FAM168A: variants seen among roughly 807,000 people sequenced by gnomAD.
FAM168A encodes the protein protein FAM168A.
A neutral mutation model predicts 28.5 loss-of-function variants in FAM168A; 3 were observed. The observed-to-expected ratio is 0.11, with a 90% CI of 0.05 to 0.27. The LOEUF (loss-of-function observed/expected upper bound fraction) is 0.27. FAM168A is among the 10% of genes least tolerant of loss of function. The pLI is 1.00. For missense variants in FAM168A, 222 were observed against 311.5 expected (o/e 0.71, Z 2.16); for synonymous variants, 122 against 124.2 (o/e 0.98, Z 0.12).
intron 1 of FAM168A, among the ~76,000 whole-genome samples, chr11:73,551,041 G>A (rs1200768468): frequency 6.6e-6 from 1 of 151,756 alleles, no homozygotes; most frequent in African/African-American, 2.4e-5. Flanking sequence ...AACCCAGGAG[G>A]TGGAGCTTGC....
chr11:73,586,655 T>A (rs920002225), intron 1 of FAM168A, among the ~76,000 whole-genome samples: 1 of 152,236 alleles, frequency 6.6e-6, no homozygotes, highest in Non-Finnish European at 1.5e-5. Flanking sequence ...TCTTTCTCCA[T>A]TCTCCTCTGT....
Position 73,509,677 on chromosome 11 carries a change from C to T in FAM168A, c.-18-41185G>A, listed in dbSNP as rs1855181017. Among the ~76,000 whole-genome samples the T allele has an allele frequency of 2.0e-5, 3 of 152,110 alleles. No homozygotes were observed. The South Asian group carries it at 6.2e-4, about 32-fold the overall frequency. The stretch of plus-strand genomic sequence containing the variant: ...ATTAATAGAAATAAAAATTAAATCC[C>T]CAAATCTAGAATTCTAGGCTTTTAA... On this transcript the variant is annotated intron_variant, in intron 1 of 7. Transcript: ENST00000356467.
At chr11:73,566,734 A>G (rs781718328) in intron 1 of FAM168A, among the ~76,000 whole-genome samples, 1 of 152,352 alleles carries the variant, frequency 6.6e-6, no homozygotes, top group Admixed American at 6.5e-5. Context: ...GTTTTCTATC[A>G]GGTACAATAT....
At chr11:73,448,945 TTC>T (rs1187780338) in intron 2 of FAM168A, among the ~76,000 whole-genome samples, 1 of 151,978 alleles carries the variant, frequency 6.6e-6, no homozygotes, top group Non-Finnish European at 1.5e-5. Context: ...TTTTGTTTTT[TTC>T]TCTCTCTCTC....
chr11:73,450,127 G>C lies in FAM168A; in HGVS notation c.70+18278C>G, dbSNP rs150036576. Reference sequence around the variant, plus strand: ...GCTGGAAACTGGCTTGCATCCCTGTGTCCAGGGTTTAGGACCACCCAATCT... The same window carrying C: ...GCTGGAAACTGGCTTGCATCCCTGTCTCCAGGGTTTAGGACCACCCAATCT... On this transcript the variant is annotated intron_variant, in intron 2 of 7. Transcript: ENST00000356467. 4.0e-4 allele frequency among the ~76,000 whole-genome samples: 61 copies of C among 152,336 alleles called. 1 individual carries two copies. The highest frequency in any genetic ancestry group is 1.4e-3 in the African/African-American group (60 of 41,576).
chr11:73,528,420 T>C (rs1202011353), intron 1 of FAM168A, among the ~76,000 whole-genome samples: 3 of 152,180 alleles, frequency 2.0e-5, no homozygotes, highest in African/African-American at 4.8e-5. Flanking sequence ...TTAAAGATAA[T>C]AGTATCAATT....
intron 1 of FAM168A, among the ~76,000 whole-genome samples, chr11:73,550,249 C>A (rs1943809630): frequency 6.6e-6 from 1 of 152,230 alleles, no homozygotes; most frequent in African/African-American, 2.4e-5. Flanking sequence ...GAAAGAACTG[C>A]TAGGAACTAT....
intron 4 of FAM168A, among the ~76,000 whole-genome samples, chr11:73,414,323 C>T (rs937003141): frequency 6.6e-6 from 1 of 152,172 alleles, no homozygotes; most frequent in African/African-American, 2.4e-5. Flanking sequence ...GAGCATATGG[C>T]CTTTTTAAAA....
chr11:73,407,681 T>C (rs1010935856), intron 6 of FAM168A, 38 bp from the exon 7 acceptor site: 13 of 1,532,706 alleles, frequency 8.5e-6, no homozygotes, highest in South Asian at 1.1e-5. Context: ...CTGACGAGGC[T>C]GCACCAGACA....
At chr11:73,593,943 A>G (rs1468738835) in intron 1 of FAM168A, among the ~76,000 whole-genome samples, 1 of 152,226 alleles carries the variant, frequency 6.6e-6, no homozygotes, top group Non-Finnish European at 1.5e-5. Flanking sequence ...CTTTCCCATG[A>G]CACTGAAAGC....
intron 1 of FAM168A, among the ~76,000 whole-genome samples, chr11:73,579,809 C>G (rs1944223028): frequency 6.6e-6 from 1 of 152,192 alleles, no homozygotes; most frequent in African/African-American, 2.4e-5. Context: ...TAAGTTGCAT[C>G]ACTTGGATGC....
At chr11:73,504,145 T>C (rs1260332676) in intron 1 of FAM168A, among the ~76,000 whole-genome samples, 1 of 152,000 alleles carries the variant, frequency 6.6e-6, no homozygotes, top group Non-Finnish European at 1.5e-5. Context: ...AAAGCCAAAA[T>C]TGACAAATGG....
chr11:73,592,750 T>C (rs1944397048), intron 1 of FAM168A, among the ~76,000 whole-genome samples: 1 of 151,974 alleles, frequency 6.6e-6, no homozygotes, highest in South Asian at 2.1e-4. Context: ...GCACAAAATA[T>C]TTTCTACAAA....
intron 2 of FAM168A, among the ~76,000 whole-genome samples, chr11:73,455,196 G>T (rs1476836397): frequency 6.6e-6 from 1 of 152,200 alleles, no homozygotes. Context: ...AAAGTGGCCG[G>T]CTGGATCCTG....
At chr11:73,530,759 T>C (rs1301669313) in intron 1 of FAM168A, among the ~76,000 whole-genome samples, 1 of 152,196 alleles carries the variant, frequency 6.6e-6, no homozygotes, top group Non-Finnish European at 1.5e-5. Flanking sequence ...ATTGATGGCA[T>C]TTCTGTCTCC....
chr11:73,524,580 A>G (rs987331614), intron 1 of FAM168A, among the ~76,000 whole-genome samples: 1 of 151,596 alleles, frequency 6.6e-6, no homozygotes, highest in Non-Finnish European at 1.5e-5. Flanking sequence ...ATACATATAT[A>G]TGTGTGTGTG....
chr11:73,505,729 C>G (rs1303815775), intron 1 of FAM168A, among the ~76,000 whole-genome samples: 1 of 152,074 alleles, frequency 6.6e-6, no homozygotes, highest in African/African-American at 2.4e-5. Flanking sequence ...GAACGTAACC[C>G]CTTTGTGAAG....
chr11:73,486,601 C>A (rs1161614821), intron 1 of FAM168A, among the ~76,000 whole-genome samples: 2 of 152,220 alleles, frequency 1.3e-5, no homozygotes, highest in African/African-American at 4.8e-5. Context: ...GTCTGACCAT[C>A]ATTTATTAGC....
intron 1 of FAM168A, among the ~76,000 whole-genome samples, chr11:73,558,361 T>C (rs1474211435): frequency 6.6e-6 from 1 of 151,198 alleles, no homozygotes; most frequent in African/African-American, 2.4e-5. Flanking sequence ...CCTAGCTACT[T>C]AGGAGTCTGA....
Sources: allele counts gnomAD v4.1 joint callset (sites outside exome capture counted in the v4.1 genomes callset), GRCh38; gene constraint gnomAD v4.1.1; transcripts MANE v1.5; gene names NCBI Gene and HGNC (gene_info 2026-07-23, HGNC 2026-07-21).